Variants in DYM observed in about 807,000 individuals in gnomAD.
DYM encodes dymeclin, also known as dyggve-Melchior-Clausen syndrome protein.
DYM carries 78 observed loss-of-function variants against 93.1 expected under a neutral mutation model. That is an observed-to-expected ratio of 0.84 (90% CI 0.70 to 1.01). The LOEUF (loss-of-function observed/expected upper bound fraction) is 1.01, where lower values mean the gene tolerates loss of function less well. Ranked by LOEUF, DYM falls within the 50% of genes least tolerant of loss-of-function variation. The probability of loss-of-function intolerance (pLI) is 0.00; values close to 1 mark genes in which losing one functional copy is unlikely to be tolerated. For missense variants in DYM, 789 were observed against 845.0 expected (o/e 0.93, Z 0.82); for synonymous variants, 321 against 319.7 (o/e 1.00, Z -0.04).
chr18:49,368,669 A>T (rs2066725368), intron 5 of DYM: 1 of 152,222 alleles, frequency 6.6e-6, no homozygotes. Context: ...GAGAGCAGAG[A>T]ACCTGCTGCC....
chr18:49,449,841 C>A (rs2082376071), intron 1 of DYM, among the ~76,000 whole-genome samples: 1 of 152,070 alleles, frequency 6.6e-6, no homozygotes, highest in Admixed American at 6.6e-5. Flanking sequence ...GGCCCAGGAC[C>A]CCATAAGCCT....
At chr18:49,111,265 T>G (rs968173785) in intron 16 of DYM, among the ~76,000 whole-genome samples, 3 of 152,150 alleles carry the variant, frequency 2.0e-5, no homozygotes, top group Non-Finnish European at 4.4e-5. Flanking sequence ...AGGCAAGCTG[T>G]GGGCTGCATT....
rs578213897 is a variant in DYM at position 49,346,946 on chromosome 18, C to G, written c.495-13093G>C. Among the ~76,000 whole-genome samples the G allele has an allele frequency of 6.6e-5, 10 of 152,192 alleles. 1 individual carries two copies. The highest frequency in any genetic ancestry group is 2.4e-4 in the African/African-American group (10 of 41,548). On this transcript the variant is annotated intron_variant, in intron 6 of 17. Transcript: ENST00000675505. ...TTATATTATAACTTAGCTTAGCTTACCTTAAACATGCATGAATACTTAAAT... is the reference window on the plus strand; with the variant it reads ...TTATATTATAACTTAGCTTAGCTTAGCTTAAACATGCATGAATACTTAAAT...
intron 17 of DYM, among the ~76,000 whole-genome samples, chr18:49,088,114 G>C (rs1379778677): frequency 3.3e-5 from 5 of 151,940 alleles, no homozygotes; most frequent in African/African-American, 4.8e-5. Context: ...AAGCTCTTTA[G>C]TTTAATTAGA....
chr18:49,458,477 A>G (rs1382799687), intron 1 of DYM, among the ~76,000 whole-genome samples: 2 of 152,222 alleles, frequency 1.3e-5, no homozygotes, highest in Admixed American at 1.3e-4. Flanking sequence ...TTTTTAAAGT[A>G]CAGTAAATCT....
intron 14 of DYM, among the ~76,000 whole-genome samples, chr18:49,165,620 G>A (rs553113753): frequency 6.6e-6 from 1 of 152,200 alleles, no homozygotes; most frequent in Admixed American, 6.5e-5. Flanking sequence ...TATTGGTAAT[G>A]TTAGATGTTG....
At chr18:49,063,122 A>C (rs1210085731) in intron 17 of DYM, among the ~76,000 whole-genome samples, 1 of 152,204 alleles carries the variant, frequency 6.6e-6, no homozygotes, top group East Asian at 1.9e-4. Context: ...GGAACAAATA[A>C]GAGAAAAAGC....
At chr18:49,433,555 C>CA (rs1244402827) in intron 1 of DYM, among the ~76,000 whole-genome samples, 1 of 151,944 alleles carries the variant, frequency 6.6e-6, no homozygotes, top group Non-Finnish European at 1.5e-5. Flanking sequence ...GTTAGTAAAT[C>CA]AAAAAACAGT....
At chr18:49,423,594 A>T (rs900278501) in intron 2 of DYM, among the ~76,000 whole-genome samples, 3 of 152,234 alleles carry the variant, frequency 2.0e-5, no homozygotes, top group Non-Finnish European at 4.4e-5. Context: ...CAAAAAAATC[A>T]GTGAATCCAG....
rs375285039 is a variant in DYM at position 49,358,551 on chromosome 18, C to T, written c.494+4610G>A. Among the ~76,000 whole-genome samples the T allele has an allele frequency of 1.4e-4, 22 of 152,138 alleles. No individual in the cohort carries two copies. In the South Asian group the frequency reaches 4.1e-3, roughly 29 times the overall value. On this transcript the variant is annotated intron_variant, in intron 6 of 17. Transcript: ENST00000675505. Reference sequence around the variant, plus strand: ...CTCATCTTTATCAATCTATACCTTACGAAAAAAACTACAAAAAGTTTTCTT... The same window carrying T: ...CTCATCTTTATCAATCTATACCTTATGAAAAAAACTACAAAAAGTTTTCTT...
chr18:49,384,868 A>G (rs1189392464), intron 3 of DYM, among the ~76,000 whole-genome samples: 1 of 151,842 alleles, frequency 6.6e-6, no homozygotes, highest in Non-Finnish European at 1.5e-5. Context: ...ATTACAGGTG[A>G]TCAAGAGGTA....
intron 13 of DYM, among the ~76,000 whole-genome samples, chr18:49,234,699 T>C (rs1002594098): frequency 6.6e-6 from 1 of 152,118 alleles, no homozygotes; most frequent in Admixed American, 6.5e-5. Context: ...ACATTACAGG[T>C]CAAAAGGTAA....
chr18:49,166,989 CGTGTGTGTGTGTGTGTGT>C (rs61299099), intron 14 of DYM, among the ~76,000 whole-genome samples: 140 of 142,024 alleles, frequency 9.9e-4, no homozygotes, highest in African/African-American at 2.8e-3. Context: ...TCTCACATTC[CGTGTGTGTGTGTGTGTGT>C]GTGTGTGTGT....
intron 2 of DYM, among the ~76,000 whole-genome samples, chr18:49,403,758 G>T (rs1290896529): frequency 6.7e-6 from 1 of 150,312 alleles, no homozygotes; most frequent in Non-Finnish European, 1.5e-5. Context: ...CCCCATAGTA[G>T]TACCCAGTGT....
At chr18:49,247,338 C>T (rs2094194042) in intron 13 of DYM, among the ~76,000 whole-genome samples, 1 of 152,130 alleles carries the variant, frequency 6.6e-6, no homozygotes, top group Non-Finnish European at 1.5e-5. Context: ...AAAAAAAGGA[C>T]AATAACAAAC....
intron 8 of DYM, among the ~76,000 whole-genome samples, chr18:49,325,158 T>C (rs2062795914): frequency 6.6e-6 from 1 of 152,146 alleles, no homozygotes; most frequent in Non-Finnish European, 1.5e-5. Context: ...GGTGTACTAC[T>C]AGCTCCAGTT....
chr18:49,228,590 A>G (rs908827004), intron 13 of DYM, among the ~76,000 whole-genome samples: 5 of 152,172 alleles, frequency 3.3e-5, no homozygotes, highest in Non-Finnish European at 5.9e-5. Context: ...GCCAAACTGA[A>G]ATAGTTCTGA....
At chr18:49,450,757 T>G (rs2082459385) in intron 1 of DYM, among the ~76,000 whole-genome samples, 1 of 152,234 alleles carries the variant, frequency 6.6e-6, no homozygotes, top group African/African-American at 2.4e-5. Context: ...AATTCTAATG[T>G]CTAAGTATAT....
chr18:49,111,429 A>G (rs1247858569), intron 16 of DYM, among the ~76,000 whole-genome samples: 1 of 152,134 alleles, frequency 6.6e-6, no homozygotes. Flanking sequence ...TTTATGTCTC[A>G]TAATGCTTGG....
Sources: gnomAD v4.1 joint callset for allele counts (sites outside exome capture counted in the v4.1 genomes callset) on GRCh38, gnomAD v4.1.1 for gene constraint, MANE v1.5 for transcripts, NCBI Gene and HGNC (gene_info 2026-07-23, HGNC 2026-07-21) for gene names.